The following MYPN variants were observed in gnomAD, a reference collection of about 807,000 sequenced individuals.
MYPN encodes myopalladin.
In MYPN, 63 loss-of-function variants were observed where a neutral mutation model predicts 129.4. The ratio of observed to expected loss-of-function variants is 0.49; its 90% confidence interval spans 0.40 to 0.60. The LOEUF is 0.60. Among genes scored for constraint, MYPN ranks in the 20% least tolerant of loss-of-function variants. The pLI, the probability that MYPN is intolerant of heterozygous loss-of-function variation, is 0.00. For missense variants in MYPN, 1,596 were observed against 1,635.4 expected (o/e 0.98, Z 0.42); for synonymous variants, 629 against 600.9 (o/e 1.05, Z -0.68).
chr10:68,112,217 C>T (rs1313087752), intron 1 of MYPN, among the ~76,000 whole-genome samples: 1 of 152,096 alleles, frequency 6.6e-6, no homozygotes, highest in Non-Finnish European at 1.5e-5. Flanking sequence ...TGATTGCCTT[C>T]CATGAGACTT....
chr10:68,195,483 C>T lies in MYPN; in HGVS notation c.3109C>T (p.Gln1037Ter). 1 of 1,614,046 alleles carries T rather than the reference C, an allele frequency of 6.2e-7. No homozygotes were observed. The highest frequency in any genetic ancestry group is 8.5e-7 in the Non-Finnish European group (1 of 1,179,952). Residue 1037 changes from glutamine (Q) to a stop codon, truncating the protein, a stop_gained, in exon 15 of 20, where the codon CAA (glutamine) becomes TAA (stop). Transcript: ENST00000358913. LOFTEE classifies it high-confidence loss of function. ...CAGCTGTTCTGGCCACTTGATGGTA[C>T]AAAGTTTGCCCATTCGCAGTCGGCT... ...RISCSGHLMV[Q>*]SLPIRSRLTS...
chr10:68,144,661 C>G (rs2042632563), intron 3 of MYPN, among the ~76,000 whole-genome samples: 1 of 151,546 alleles, frequency 6.6e-6, no homozygotes, highest in African/African-American at 2.4e-5. Context: ...TTCTTTGTGA[C>G]AAAAAGATTT....
chr10:68,131,380 CTG>C (rs2042409033), intron 2 of MYPN, among the ~76,000 whole-genome samples: 2 of 149,232 alleles, frequency 1.3e-5, no homozygotes, highest in African/African-American at 4.9e-5. Context: ...CAGATCGAGA[CTG>C]TGTCTCAAAA....
intron 2 of MYPN, among the ~76,000 whole-genome samples, chr10:68,132,062 G>A (rs73265278): frequency 0.11 from 17,155 of 152,150 alleles, 1,356 homozygotes; most frequent in East Asian, 0.39. Context: ...TTGGACAGAA[G>A]TGTCTTTTTC....
At position 68,122,086 on chromosome 10, in the gene MYPN, T is replaced by G. The variant is rs2042252309; in HGVS notation, c.648T>G (p.Pro216=). Residue 216 remains proline (P), a synonymous_variant, in exon 2 of 20, where the codon CCT becomes CCG. Transcript: ENST00000358913. ...RERSSVPIPI[P]ADTRDNEVNH... ...GATCTTCTGTTCCCATCCCTATCCC[T>G]GCGGATACCAGGGATAATGAAGTGA... is the stretch of plus-strand genomic sequence containing the variant. The G allele has an allele frequency of 6.2e-7, 1 of 1,614,166 alleles. No homozygotes were observed. Among genetic ancestry groups the G allele is most frequent in the Non-Finnish European group, 8.5e-7 (1 of 1,180,036 alleles).
At chr10:68,197,148 A>G (rs1804915306) in intron 15 of MYPN, among the ~76,000 whole-genome samples, 1 of 152,094 alleles carries the variant, frequency 6.6e-6, no homozygotes, top group South Asian at 2.1e-4. Context: ...TCGCAAGACA[A>G]TCCCACAGTA....
intron 12 of MYPN, among the ~76,000 whole-genome samples, chr10:68,175,708 A>C (rs1330595575): frequency 6.6e-6 from 1 of 152,124 alleles, no homozygotes; most frequent in Non-Finnish European, 1.5e-5. Context: ...TATATTAAAG[A>C]AGAGAGTAGA....
At chr10:68,183,847 C>T (rs929078550) in intron 12 of MYPN, among the ~76,000 whole-genome samples, 2 of 152,042 alleles carry the variant, frequency 1.3e-5, no homozygotes, top group Non-Finnish European at 2.9e-5. Context: ...ATAGGGAGAC[C>T]TCATCCCTAG....
intron 5 of MYPN, among the ~76,000 whole-genome samples, chr10:68,149,045 G>A (rs753823381): frequency 2.6e-5 from 4 of 152,052 alleles, no homozygotes; most frequent in Non-Finnish European, 5.9e-5. Context: ...GGGCAACATA[G>A]CGAGACCCTA....
At chr10:68,095,369 A>G (rs2133938746) in intron 1 of MYPN, among the ~76,000 whole-genome samples, 1 of 149,906 alleles carries the variant, frequency 6.7e-6, no homozygotes, top group South Asian at 2.1e-4. Flanking sequence ...AAAAAAAATT[A>G]TAAGGCATGA....
At chr10:68,092,347 T>C (rs1278076626) in intron 1 of MYPN, among the ~76,000 whole-genome samples, 1 of 151,962 alleles carries the variant, frequency 6.6e-6, no homozygotes, top group Non-Finnish European at 1.5e-5. Flanking sequence ...ATATGAAAAT[T>C]AGCCGGGCAT....
At chr10:68,127,265 A>G (rs1444577484) in intron 2 of MYPN, among the ~76,000 whole-genome samples, 1 of 151,310 alleles carries the variant, frequency 6.6e-6, no homozygotes, top group Admixed American at 6.6e-5. Flanking sequence ...TTGCCCTCCC[A>G]AAGTGCTGGG....
chr10:68,153,684 AG>A (rs1237381782), intron 6 of MYPN, among the ~76,000 whole-genome samples: 8 of 152,226 alleles, frequency 5.3e-5, no homozygotes, highest in African/African-American at 1.9e-4. Context: ...TCCATCAGTG[AG>A]GGCAGGATTG....
chr10:68,183,158 T>C (rs964121454), intron 12 of MYPN, among the ~76,000 whole-genome samples: 4 of 152,288 alleles, frequency 2.6e-5, no homozygotes, highest in Admixed American at 1.3e-4. Context: ...CTTACCACCA[T>C]GTATAATAAT....
rs1406498336 is a variant in MYPN, at chr10:68,122,079, C to T, written c.641C>T (p.Pro214Leu). Residue 214 changes from proline (P) to leucine (L), a missense_variant, in exon 2 of 20, where the codon CCT becomes CTT. Pro to Leu is a moderately conservative substitution (Grantham distance 98). Transcript: ENST00000358913. Reference sequence around the variant, plus strand: ...CGAGAAAGATCTTCTGTTCCCATCCCTATCCCTGCGGATACCAGGGATAAT... The same window carrying T: ...CGAGAAAGATCTTCTGTTCCCATCCTTATCCCTGCGGATACCAGGGATAAT... ...ERRERSSVPI[P>L]IPADTRDNEV... 5 of 1,614,076 alleles carry T rather than the reference C, an allele frequency of 3.1e-6. No individual in the cohort carries two copies. In the African/African-American group the frequency reaches 5.3e-5, roughly 17 times the overall value.
At chr10:68,194,220 T>A in intron 13 of MYPN, 143 bp from the exon 14 acceptor site, 1 of 736,926 alleles carries the variant, frequency 1.4e-6, no homozygotes, top group East Asian at 3.0e-5. Context: ...ATTTTTAATA[T>A]GTTTTATAAC....
rs141638905 is a variant in MYPN, at chr10:68,119,385, TTTTATTTA to T, written c.-1-2018_-1-2011del. 3.1e-3 allele frequency among the ~76,000 whole-genome samples: 454 copies of T among 144,766 alleles called. 4 individuals carry two copies. The highest frequency in any genetic ancestry group is 0.017 in the South Asian group (76 of 4,496). 95.0% of individuals were successfully genotyped at this position (144,766 alleles called of 152,430 possible). A position where few individuals can be genotyped will look rare whatever the true frequency, so the allele number is the denominator to read the frequency against. On this transcript the variant is annotated intron_variant, in intron 1 of 19. Transcript: ENST00000358913. Reference sequence around the variant, plus strand: ...TGCCCTCCAACACCTTTGCATTTTATTTTATTTATTTATTTATTTATTTATTTATTTAT... The same window carrying T: ...TGCCCTCCAACACCTTTGCATTTTATTTTATTTATTTATTTATTTATTTAT...
intron 2 of MYPN, among the ~76,000 whole-genome samples, chr10:68,125,434 G>C (rs1356183381): frequency 6.6e-6 from 1 of 152,130 alleles, no homozygotes; most frequent in African/African-American, 2.4e-5. Context: ...AATAGAATTA[G>C]AATTGTCCGA....
chr10:68,118,622 C>G (rs1437741461), intron 1 of MYPN, among the ~76,000 whole-genome samples: 1 of 152,084 alleles, frequency 6.6e-6, no homozygotes, highest in Admixed American at 6.6e-5. Flanking sequence ...ACTTGAGGTT[C>G]TTTGAGTTGG....
Sources: allele counts gnomAD v4.1 joint callset (sites outside exome capture counted in the v4.1 genomes callset), GRCh38; gene constraint gnomAD v4.1.1; transcripts MANE v1.5; gene names NCBI Gene and HGNC (gene_info 2026-07-23, HGNC 2026-07-21).